SSBP2: variants seen among roughly 807,000 people sequenced by gnomAD.
The protein encoded by SSBP2 is single-stranded DNA-binding protein 2.
In SSBP2, 17 loss-of-function variants were observed where a neutral mutation model predicts 61.8. The ratio of observed to expected loss-of-function variants is 0.28; its 90% CI spans 0.19 to 0.41. The LOEUF is 0.41. Among genes scored for constraint, SSBP2 ranks in the 10% least tolerant of loss-of-function variants. SSBP2 has a pLI of 1.00. For synonymous variants in SSBP2, 139 were observed against 141.3 expected, an observed-to-expected ratio of 0.98 and a Z score of 0.12; for missense variants, 310 against 458.7, an observed-to-expected ratio of 0.68 and a Z score of 2.96.
At chr5:81,478,547 C>T (rs910993961) in intron 6 of SSBP2, among the ~76,000 whole-genome samples, 4 of 152,080 alleles carry the variant, frequency 2.6e-5, no homozygotes, top group African/African-American at 9.7e-5. Flanking sequence ...CCATGTTGGC[C>T]AGGCTGGTCT....
intron 1 of SSBP2, among the ~76,000 whole-genome samples, chr5:81,733,154 A>G (rs1035645406): frequency 6.6e-6 from 1 of 152,194 alleles, no homozygotes; most frequent in Admixed American, 6.5e-5. Context: ...CCAATAATAG[A>G]TAAAAATCTT....
chr5:81,594,115 C>G (rs942655910), intron 4 of SSBP2, among the ~76,000 whole-genome samples: 1 of 152,136 alleles, frequency 6.6e-6, no homozygotes, highest in Non-Finnish European at 1.5e-5. Context: ...TGAAGAGACA[C>G]ACACTGGCTC....
intron 4 of SSBP2, among the ~76,000 whole-genome samples, chr5:81,592,903 G>C (rs972098177): frequency 6.6e-6 from 1 of 152,158 alleles, no homozygotes; most frequent in Admixed American, 6.5e-5. Flanking sequence ...AAACAGAGCA[G>C]AAAAACTGGA....
intron 4 of SSBP2, among the ~76,000 whole-genome samples, chr5:81,605,944 A>C (rs2153572711): frequency 6.6e-6 from 1 of 152,264 alleles, no homozygotes; most frequent in Admixed American, 6.5e-5. Context: ...TGGGGGAAAA[A>C]CGGTTGAGAA....
At chr5:81,520,753 A>G (rs1051520978) in intron 4 of SSBP2, among the ~76,000 whole-genome samples, 1 of 151,938 alleles carries the variant, frequency 6.6e-6, no homozygotes, top group East Asian at 1.9e-4. Context: ...TATTGTCTCT[A>G]ATTTTTGTCC....
At position 81,420,147 on chromosome 5, in the gene SSBP2, T is replaced by C. The variant is rs571803657; in HGVS notation, c.*357A>G. On this transcript the variant is annotated 3_prime_UTR_variant, in exon 17 of 17. Transcript: ENST00000320672. ...AATAAAAGTCCCTACTTATTTCTACTTAAGATGTCATGTGATAATATTTTA... is the reference window on the plus strand; with the variant it reads ...AATAAAAGTCCCTACTTATTTCTACCTAAGATGTCATGTGATAATATTTTA... 9.8e-6 allele frequency: 2 copies of C among 203,528 alleles called. No individual in the cohort carries two copies. The highest frequency in any genetic ancestry group is 5.8e-5 in the Admixed American group (1 of 17,204). 12.6% of individuals were successfully genotyped at this position (203,528 alleles called of 1,614,324 possible). A position where few individuals can be genotyped will look rare whatever the true frequency, so the allele number is the denominator to read the frequency against.
intron 4 of SSBP2, among the ~76,000 whole-genome samples, chr5:81,576,994 A>T (rs950075076): frequency 1.3e-5 from 2 of 152,044 alleles, no homozygotes; most frequent in Non-Finnish European, 2.9e-5. Flanking sequence ...TCCTTTAATT[A>T]AGTTCCAGGA....
intron 4 of SSBP2, among the ~76,000 whole-genome samples, chr5:81,579,660 T>C (rs1385829139): frequency 6.6e-6 from 1 of 152,086 alleles, no homozygotes; most frequent in African/African-American, 2.4e-5. Flanking sequence ...CTGAATAATT[T>C]CAAACAGCTG....
intron 1 of SSBP2, among the ~76,000 whole-genome samples, chr5:81,744,533 C>T (rs566128923): frequency 6.6e-6 from 1 of 151,594 alleles, no homozygotes; most frequent in Admixed American, 6.6e-5. Flanking sequence ...AGATTTAAAG[C>T]TAATTAAAAA....
chr5:81,436,426 T>C lies in SSBP2; in HGVS notation c.957+1004A>G, dbSNP rs150408717. On this transcript the variant is annotated intron_variant, in intron 15 of 16. Transcript: ENST00000320672. ...TTGTAAACATGATTGTTTCTAAATA[T>C]AGACATCCAAAATACATGTGGAGCT... Among the ~76,000 whole-genome samples the C allele has an allele frequency of 9.8e-3, 1,487 of 152,198 alleles. 22 individuals are homozygous for C. The highest frequency in any genetic ancestry group is 0.033 in the African/African-American group (1,385 of 41,540).
At chr5:81,736,666 AAAT>A (rs1414573638) in intron 1 of SSBP2, among the ~76,000 whole-genome samples, 1 of 152,204 alleles carries the variant, frequency 6.6e-6, no homozygotes, top group African/African-American at 2.4e-5. Context: ...TTTATTACTC[AAAT>A]AATAAAAAGT....
chr5:81,541,439 C>CA (rs1771262030), intron 4 of SSBP2, among the ~76,000 whole-genome samples: 1 of 150,840 alleles, frequency 6.6e-6, no homozygotes, highest in Middle Eastern at 3.4e-3. Context: ...CATATAGCAC[C>CA]AAAAAAGAGC....
intron 1 of SSBP2, among the ~76,000 whole-genome samples, chr5:81,694,811 CA>C (rs202247738): frequency 1.3e-5 from 2 of 151,580 alleles, no homozygotes; most frequent in African/African-American, 2.4e-5. Context: ...TCTACCTCTA[CA>C]AAAAAAAATT....
At chr5:81,574,219 C>T (rs146724036) in intron 4 of SSBP2, among the ~76,000 whole-genome samples, 9 of 151,944 alleles carry the variant, frequency 5.9e-5, no homozygotes, top group African/African-American at 2.2e-4. Flanking sequence ...ACACTGAGAA[C>T]ATCAGCAAAA....
intron 5 of SSBP2, among the ~76,000 whole-genome samples, chr5:81,511,113 C>A (rs1768569836): frequency 6.6e-6 from 1 of 152,040 alleles, no homozygotes; most frequent in Non-Finnish European, 1.5e-5. Context: ...AATTTCTTCC[C>A]CTCTCTTCCT....
chr5:81,725,886 C>T (rs1324702856), intron 1 of SSBP2, among the ~76,000 whole-genome samples: 2 of 152,088 alleles, frequency 1.3e-5, no homozygotes, highest in East Asian at 3.8e-4. Context: ...ATGATGGACA[C>T]ATGGTGGGTT....
intron 4 of SSBP2, among the ~76,000 whole-genome samples, chr5:81,542,837 C>T (rs112970781): frequency 1.9e-4 from 19 of 97,822 alleles, no homozygotes; most frequent in South Asian, 1.0e-3. Flanking sequence ...CTCTCTCTCT[C>T]TCTCTCTCTC....
intron 4 of SSBP2, among the ~76,000 whole-genome samples, chr5:81,566,350 T>C (rs999760306): frequency 2.0e-5 from 3 of 152,146 alleles, no homozygotes; most frequent in Admixed American, 2.0e-4. Flanking sequence ...TGGGGGCAGT[T>C]TTCCTCATAC....
intron 6 of SSBP2, among the ~76,000 whole-genome samples, chr5:81,477,808 T>C (rs1765694307): frequency 1.3e-5 from 2 of 152,082 alleles, no homozygotes; most frequent in African/African-American, 4.8e-5. Context: ...GAATAATAAA[T>C]GTGTATTGAG....
Sources: gnomAD v4.1 joint callset for allele counts (sites outside exome capture counted in the v4.1 genomes callset) on GRCh38, gnomAD v4.1.1 for gene constraint, MANE v1.5 for transcripts, NCBI Gene and HGNC (gene_info 2026-07-23, HGNC 2026-07-21) for gene names.